The following CEP112 variants were observed in gnomAD, a reference collection of about 807,000 sequenced individuals.
The protein encoded by CEP112 is centrosomal protein of 112 kDa.
A neutral mutation model predicts 153.0 loss-of-function variants in CEP112; 127 were observed. That is an observed-to-expected ratio of 0.83 (90% CI 0.72 to 0.96). CEP112 has a LOEUF of 0.96. Among genes scored for constraint, CEP112 ranks in the 40% least tolerant of loss-of-function variants. CEP112 has a pLI of 0.00. For missense variants in CEP112, 1,089 were observed against 1,101.2 expected (o/e 0.99, Z 0.16); for synonymous variants, 358 against 374.4 (o/e 0.96, Z 0.51).
At chr17:66,091,734 GTAAAAT>G (rs1410580843) in intron 8 of CEP112, among the ~76,000 whole-genome samples, 3 of 151,904 alleles carry the variant, frequency 2.0e-5, no homozygotes, top group Non-Finnish European at 4.4e-5. Context: ...GAAAAGGTCA[GTAAAAT>G]TAAGAGTTAG....
chr17:66,153,115 G>C (rs2071277205), intron 4 of CEP112, among the ~76,000 whole-genome samples: 1 of 152,262 alleles, frequency 6.6e-6, no homozygotes, highest in South Asian at 2.1e-4. Context: ...AAATGGAACA[G>C]CCAGTTTGGA....
intron 21 of CEP112, among the ~76,000 whole-genome samples, chr17:65,780,892 G>A (rs1002557074): frequency 2.6e-5 from 4 of 151,980 alleles, no homozygotes; most frequent in African/African-American, 9.7e-5. Flanking sequence ...AATTTGGCAT[G>A]CTCATAATGT....
intron 8 of CEP112, among the ~76,000 whole-genome samples, chr17:66,074,744 T>C (rs2067424784): frequency 6.6e-6 from 1 of 151,346 alleles, no homozygotes. Context: ...GTGCCTGTAG[T>C]CTCAGGTACT....
intron 21 of CEP112, among the ~76,000 whole-genome samples, chr17:65,821,532 ATATATATATTTTTTTTT>A (rs1424918022): frequency 7.5e-5 from 2 of 26,676 alleles, no homozygotes; most frequent in African/African-American, 1.5e-4. Context: ...ATATATATAT[ATATATATATTTTTTTTT>A]TTTTTTTTTT....
chr17:65,746,165 CAAAAAAA>C (rs56361589), intron 22 of CEP112, among the ~76,000 whole-genome samples: 114 of 49,480 alleles, frequency 2.3e-3, no homozygotes, highest in Non-Finnish European at 3.1e-3. Flanking sequence ...AACTCCATCT[CAAAAAAA>C]AAAAAAAAAA....
At chr17:65,716,323 AT>A (rs985260336) in intron 23 of CEP112, among the ~76,000 whole-genome samples, 2 of 151,182 alleles carry the variant, frequency 1.3e-5, no homozygotes, top group East Asian at 3.9e-4. Context: ...TGCCAGGCTA[AT>A]TTTTTTTTGT....
intron 6 of CEP112, among the ~76,000 whole-genome samples, chr17:66,103,478 T>C (rs184053626): frequency 1.3e-5 from 2 of 152,222 alleles, no homozygotes; most frequent in East Asian, 1.9e-4. Context: ...AATGAATAAA[T>C]AAACAAGTAA....
At chr17:66,089,500 A>T (rs1025057671) in intron 8 of CEP112, among the ~76,000 whole-genome samples, 10 of 152,314 alleles carry the variant, frequency 6.6e-5, no homozygotes, top group African/African-American at 1.2e-4. Context: ...TTTTTTAAAA[A>T]ATCAAATTCT....
chr17:65,662,904 T>C (rs1241401030), intron 24 of CEP112, among the ~76,000 whole-genome samples: 1 of 152,138 alleles, frequency 6.6e-6, no homozygotes, highest in African/African-American at 2.4e-5. Flanking sequence ...TTTTGCTTTA[T>C]TTCCAACCAT....
intron 18 of CEP112, among the ~76,000 whole-genome samples, chr17:65,930,466 T>G (rs933406306): frequency 6.6e-5 from 10 of 152,206 alleles, no homozygotes; most frequent in African/African-American, 2.2e-4. Context: ...TTGAATGCCC[T>G]CTAGATTATA....
chr17:65,642,013 C>T (rs61552677), intron 24 of CEP112, among the ~76,000 whole-genome samples: 21,241 of 152,038 alleles, frequency 0.14, 1,881 homozygotes, highest in East Asian at 0.48. Context: ...GTGGCTCATC[C>T]CATTCATCTC....
chr17:65,787,557 C>T (rs958743795), intron 21 of CEP112, among the ~76,000 whole-genome samples: 3 of 152,158 alleles, frequency 2.0e-5, no homozygotes, highest in Admixed American at 6.5e-5. Context: ...GGACAATTGA[C>T]ATCTTTAAGA....
At chr17:65,747,309 A>G (rs2051532099) in intron 22 of CEP112, among the ~76,000 whole-genome samples, 1 of 152,114 alleles carries the variant, frequency 6.6e-6, no homozygotes, top group African/African-American at 2.4e-5. Context: ...TGGCATAGAG[A>G]TGGGCACAGG....
intron 21 of CEP112, among the ~76,000 whole-genome samples, chr17:65,837,948 T>TGCGGAAG (rs1029375515): frequency 2.6e-5 from 4 of 152,146 alleles, no homozygotes; most frequent in Admixed American, 1.3e-4. Context: ...ACACAAACAC[T>TGCGGAAG]GCGGAAGGCG....
intron 18 of CEP112, among the ~76,000 whole-genome samples, chr17:65,944,570 A>G (rs758145998): frequency 6.6e-6 from 1 of 152,162 alleles, no homozygotes; most frequent in Non-Finnish European, 1.5e-5. Flanking sequence ...TAAAGAAATT[A>G]AAACTCTATT....
At chr17:65,970,473 T>TATATTACATGCATGCACACATGCATGC (rs2062680721) in intron 17 of CEP112, among the ~76,000 whole-genome samples, 1 of 60,550 alleles carries the variant, frequency 1.7e-5, no homozygotes, top group Non-Finnish European at 3.9e-5. Context: ...CACATGCATG[T>TATATTACATGCATGCACACATGCATGC]ATATTACATG....
At chr17:65,991,657 C>T (rs1169148641) in intron 17 of CEP112, among the ~76,000 whole-genome samples, 2 of 152,032 alleles carry the variant, frequency 1.3e-5, no homozygotes. Flanking sequence ...AAGGTGTTTT[C>T]ACTTACATAT....
chr17:65,885,565 G>A (rs2059246641), intron 20 of CEP112, among the ~76,000 whole-genome samples: 1 of 152,142 alleles, frequency 6.6e-6, no homozygotes, highest in African/African-American at 2.4e-5. Context: ...TACACTGCAA[G>A]AAGAATATGT....
chr17:65,696,591 G>A (rs1028444868), intron 23 of CEP112, among the ~76,000 whole-genome samples: 3 of 152,116 alleles, frequency 2.0e-5, no homozygotes, highest in East Asian at 1.9e-4. Flanking sequence ...TGGGTGAAAC[G>A]CAGAAAGGGG....
Sources: allele counts gnomAD v4.1 joint callset (sites outside exome capture counted in the v4.1 genomes callset), GRCh38; gene constraint gnomAD v4.1.1; transcripts MANE v1.5; gene names NCBI Gene and HGNC (gene_info 2026-07-23, HGNC 2026-07-21).